Variants in XDH observed in about 807,000 individuals in gnomAD.
XDH encodes xanthine dehydrogenase.
A neutral mutation model predicts 156.1 loss-of-function variants in XDH; 138 were observed. That is an observed-to-expected ratio of 0.88 (90% CI 0.77 to 1.02). XDH has a LOEUF of 1.02. Ranked by LOEUF, XDH falls within the 50% of genes least tolerant of loss-of-function variation. The probability of loss-of-function intolerance (pLI) is 0.00; values close to 1 mark genes in which losing one functional copy is unlikely to be tolerated. For missense variants in XDH, 1,849 were observed against 1,684.9 expected, an observed-to-expected ratio of 1.10 and a Z score of -1.71; for synonymous variants, 669 against 625.7, an observed-to-expected ratio of 1.07 and a Z score of -1.03.
Position 31,337,714 on chromosome 2 carries a change from T to C in XDH, c.3878A>G (p.Glu1293Gly). ...GGCAGGGCTGTCTAGCCGGAAGAGTTCCTTCACGTTATTACCTGTGTGCTG... is the reference window on the plus strand; with the variant it reads ...GGCAGGGCTGTCTAGCCGGAAGAGTCCCTTCACGTTATTACCTGTGTGCTG... ...RAQHTGNNVK[E>G]LFRLDSPATP... Residue 1293 changes from glutamate (E) to glycine (G), a missense_variant, in exon 35 of 36, where the codon GAA becomes GGA. Physicochemically the swap from Glu to Gly is moderately conservative, Grantham distance 98 (BLOSUM62 -2). Coordinates refer to ENST00000379416, the MANE Select transcript of XDH (RefSeq NM_000379.4). 6.2e-7 allele frequency: 1 copy of C among 1,614,206 alleles called. No individual in the cohort carries two copies. Among genetic ancestry groups the C allele is most frequent in the Non-Finnish European group, 8.5e-7 (1 of 1,180,034 alleles).
intron 31 of XDH, among the ~76,000 whole-genome samples, chr2:31,343,476 AATAC>A (rs1435818490): frequency 7.5e-6 from 1 of 132,738 alleles, no homozygotes; most frequent in Non-Finnish European, 1.6e-5. Flanking sequence ...ATATATGTAT[AATAC>A]ATATATATGC....
intron 15 of XDH, among the ~76,000 whole-genome samples, chr2:31,375,094 T>C (rs1310189630): frequency 6.8e-6 from 1 of 146,514 alleles, no homozygotes; most frequent in Non-Finnish European, 1.5e-5. Flanking sequence ...GGCATGATCT[T>C]GGCTCACTGC....
chr2:31,378,099 AAAGAAAGAAAGGAAGGAAGGAAGGAAGG>A (rs1686306696), intron 13 of XDH, among the ~76,000 whole-genome samples: 21 of 52,626 alleles, frequency 4.0e-4, no homozygotes, highest in South Asian at 1.6e-3. Flanking sequence ...AGAAAGAAAG[AAAGAAAGAAAGGAAGGAAGGAAGGAAGG>A]AAGGAAGGAA....
intron 24 of XDH, among the ~76,000 whole-genome samples, chr2:31,359,443 C>T (rs182034113): frequency 7.9e-5 from 12 of 150,988 alleles, no homozygotes; most frequent in African/African-American, 1.5e-4. Context: ...GCATCACAAG[C>T]GCCAGTGATG....
Position 31,373,778 on chromosome 2 carries a change from C to T in XDH, c.1686+95G>A. ...GTAAGGAGTTTTATGGACCTATATA[C>T]AATTCAAGTTAGTCATTAGCCGATG... On this transcript the variant is annotated intron_variant, in intron 16 of 35. Coordinates refer to ENST00000379416, the MANE Select transcript of XDH (RefSeq NM_000379.4). 3 of 1,247,878 alleles carry T rather than the reference C, an allele frequency of 2.4e-6. No individual in the cohort carries two copies. The South Asian group carries it at 3.8e-5, about 16-fold the overall frequency. 77.3% of individuals were successfully genotyped at this position (1,247,878 alleles called of 1,614,324 possible).
chr2:31,365,877 A>T lies in XDH; in HGVS notation c.2456+99T>A. 5.1e-6 allele frequency: 8 copies of T among 1,580,376 alleles called. No homozygotes were observed. In the South Asian group the frequency reaches 8.0e-5, roughly 16 times the overall value. On this transcript the variant is annotated intron_variant, in intron 22 of 35. Coordinates refer to ENST00000379416, the MANE Select transcript of XDH (RefSeq NM_000379.4). ...CTGTGAGAATTCAAAGCAGGGGGAA[A>T]CTAATTCTAACAGGGGGAAGTCCTG... is the stretch of plus-strand genomic sequence containing the variant.
chr2:31,379,721 A>T, intron 13 of XDH, 146 bp downstream of exon 13: 1 of 841,042 alleles, frequency 1.2e-6, no homozygotes, highest in South Asian at 1.4e-5. Context: ...TTGGTTCAAC[A>T]GAGGCAAAGT....
chr2:31,342,942 T>G (rs1474415016), intron 31 of XDH, among the ~76,000 whole-genome samples: 1 of 152,180 alleles, frequency 6.6e-6, no homozygotes, highest in Non-Finnish European at 1.5e-5. Context: ...TATAAATATA[T>G]GTGTATATCT....
Position 31,373,760 on chromosome 2 carries a change from G to A in XDH, c.1686+113C>T. ...GGGTATTTACGCACAAGAGTAAGGA[G>A]TTTTATGGACCTATATACAATTCAA... On this transcript the variant is annotated intron_variant, in intron 16 of 35. Transcript: ENST00000379416. 3 of 1,050,420 alleles carry A rather than the reference G, an allele frequency of 2.9e-6. No individual in the cohort carries two copies. In the South Asian group the frequency reaches 4.1e-5, roughly 14 times the overall value. The allele number at this position is 1,050,420 out of a possible 1,614,324, so 65.1% of individuals were successfully genotyped here. A position where few individuals can be genotyped will look rare whatever the true frequency, so the allele number is the denominator to read the frequency against.
chr2:31,385,199 GA>G (rs45548143), intron 9 of XDH, among the ~76,000 whole-genome samples: 4 of 150,188 alleles, frequency 2.7e-5, no homozygotes, highest in Non-Finnish European at 5.9e-5. Context: ...TGTCTTTGAG[GA>G]AAAAAAAAGA....
At chr2:31,384,888 C>T (rs577542620) in intron 9 of XDH, among the ~76,000 whole-genome samples, 2 of 152,342 alleles carry the variant, frequency 1.3e-5, no homozygotes, top group Admixed American at 1.3e-4. Context: ...CTTCCCCCAA[C>T]ACTCTGCGTT....
intron 32 of XDH, among the ~76,000 whole-genome samples, 176 bp downstream of exon 32, chr2:31,342,007 T>A (rs1340292019): frequency 6.6e-6 from 1 of 152,322 alleles, no homozygotes; most frequent in Middle Eastern, 3.4e-3. Flanking sequence ...AGAGACTGTA[T>A]GGCCCACGAA....
At position 31,397,643 on chromosome 2, in the gene XDH, C is replaced by T. The variant is rs111623621; in HGVS notation, c.495+25G>A. 6.2e-6 allele frequency: 10 copies of T among 1,614,010 alleles called. No homozygotes were observed. The African/African-American group carries it at 8.0e-5, about 13-fold the overall frequency. ...TGTTGCCATTTTAGAAGCAGAGACACTGATGTTCTGGGGTCCCCACTTACC... is the reference window on the plus strand; with the variant it reads ...TGTTGCCATTTTAGAAGCAGAGACATTGATGTTCTGGGGTCCCCACTTACC... On this transcript the variant is annotated intron_variant, in intron 6 of 35. Coordinates refer to ENST00000379416, the MANE Select transcript of XDH (RefSeq NM_000379.4).
chr2:31,404,838 A>G (rs972928847), intron 2 of XDH, among the ~76,000 whole-genome samples: 1 of 152,224 alleles, frequency 6.6e-6, no homozygotes, highest in Non-Finnish European at 1.5e-5. Context: ...CAACCACTGT[A>G]CTGTCTGATA....
At chr2:31,387,969 C>G (rs976927276) in intron 7 of XDH, 72 bp from the exon 8 acceptor site, 34 of 1,494,678 alleles carry the variant, frequency 2.3e-5, no homozygotes, top group Non-Finnish European at 2.9e-5. Flanking sequence ...CCAATTCAGC[C>G]TTTCCTTCCA....
intron 33 of XDH, among the ~76,000 whole-genome samples, 169 bp from the exon 34 acceptor site, chr2:31,339,846 G>A (rs886781965): frequency 3.2e-4 from 48 of 152,186 alleles, no homozygotes; most frequent in Non-Finnish European, 1.2e-4. Flanking sequence ...TAACCCATCC[G>A]GACTTCTGCC....
chr2:31,383,019 C>A lies in XDH; in HGVS notation c.1020G>T (p.Lys340Asn), dbSNP rs1423237314. ...VLEQLRWFAG[K>N]QVKSVASVGG... ...GACTCACCGCCACAGACTTGACTTGCTTCCCAGCAAACCAGCGCAGCTGCT... is the reference window on the plus strand; with the variant it reads ...GACTCACCGCCACAGACTTGACTTGATTCCCAGCAAACCAGCGCAGCTGCT... Residue 340 changes from lysine to asparagine, a missense_variant, in exon 11 of 36, where the codon AAG becomes AAT. Physicochemically the swap from Lys to Asn is moderately conservative, Grantham distance 94 (BLOSUM62 0). Coordinates refer to ENST00000379416, the MANE Select transcript of XDH (RefSeq NM_000379.4). The A allele has an allele frequency of 1.2e-6, 2 of 1,614,076 alleles. No individual in the cohort carries two copies. Among genetic ancestry groups the A allele is most frequent in the African/African-American group, 2.7e-5 (2 of 74,932 alleles).
intron 4 of XDH, 146 bp downstream of exon 4, chr2:31,401,074 G>A: frequency 2.3e-6 from 2 of 852,524 alleles, no homozygotes; most frequent in South Asian, 1.5e-5. Flanking sequence ...AGAGGAGATG[G>A]GGAGGTGGCC....
intron 30 of XDH, 102 bp downstream of exon 30, chr2:31,346,667 A>G: frequency 7.3e-7 from 1 of 1,375,068 alleles, no homozygotes; most frequent in Non-Finnish European, 1.0e-6. Flanking sequence ...TGCTGTTCTG[A>G]CTAAAATATT....
Sources: allele counts gnomAD v4.1 joint callset (sites outside exome capture counted in the v4.1 genomes callset), GRCh38; gene constraint gnomAD v4.1.1; transcripts MANE v1.5; gene names NCBI Gene and HGNC (gene_info 2026-07-23, HGNC 2026-07-21).